KIRREL2: variants seen among roughly 807,000 people sequenced by gnomAD.
The protein encoded by KIRREL2 is kin of IRRE-like protein 2.
In KIRREL2, 56 loss-of-function variants were observed where a neutral mutation model predicts 73.4. That is an observed-to-expected ratio of 0.76 (90% CI 0.62 to 0.95). The LOEUF is 0.95. KIRREL2 is among the 40% of genes least tolerant of loss of function. The probability of loss-of-function intolerance (pLI) is 0.00; values close to 1 mark genes in which losing one functional copy is unlikely to be tolerated. For synonymous variants in KIRREL2, 407 were observed against 404.0 expected (o/e 1.01, Z -0.09); for missense variants, 896 against 935.0 (o/e 0.96, Z 0.54).
rs1226793059 is a variant in KIRREL2, at chr19:35,860,307, G to A, written c.684G>A (p.Glu228=). Residue 228 remains glutamate, a synonymous_variant, in exon 6 of 15, where the codon GAG becomes GAA. Transcript: ENST00000360202. The part of the protein sequence containing the change: ...AITLSLQYPP[E]VTLSASPHTV... ...GTCCCACCCTCACAGACCCCCCAGA[G>A]GTGACTCTGTCTGCTTCGCCACACA... 1.2e-6 allele frequency: 2 copies of A among 1,613,886 alleles called. No homozygotes were observed. The highest frequency in any genetic ancestry group is 2.7e-5 in the African/African-American group (2 of 74,918).
chr19:35,854,104 C>G (rs962530067), upstream of KIRREL2, among the ~76,000 whole-genome samples: 20 of 152,018 alleles, frequency 1.3e-4, no homozygotes, highest in Admixed American at 1.2e-3. Context: ...CTTGGCCCCC[C>G]AAAGTGCTGG....
intron 14 of KIRREL2, among the ~76,000 whole-genome samples, chr19:35,865,625 CT>C (rs909966090): frequency 2.1e-4 from 32 of 152,368 alleles, no homozygotes; most frequent in African/African-American, 6.7e-4. Context: ...CATGACCACT[CT>C]GATCTGGGCT....
At chr19:35,855,295 T>C (rs1175139988), upstream of KIRREL2, among the ~76,000 whole-genome samples, 2 of 152,054 alleles carry the variant, frequency 1.3e-5, no homozygotes, top group African/African-American at 2.4e-5. Flanking sequence ...CTGGGGCCTT[T>C]AATAAGCACA....
Position 35,857,411 on chromosome 19 carries a change from T to G in KIRREL2, c.128T>G (p.Leu43Arg), listed in dbSNP as rs1207482182. Residue 43 changes from leucine (L) to arginine (R), a missense_variant, in exon 2 of 15, where the codon CTG becomes CGG. Physicochemically the swap from Leu to Arg is moderately radical, Grantham distance 102. Coordinates refer to ENST00000360202, the MANE Select transcript of KIRREL2 (RefSeq NM_199180.4). ...GTGCTGCTGGGGGAGGAAGCCCGGC[T>G]GCCGTGTGCTCTGGGCGCCTACTGG... ...LVVLLGEEAR[L>R]PCALGAYWGL... is the part of the protein sequence containing the mutation. 1 of 1,612,942 alleles carries G rather than the reference T, an allele frequency of 6.2e-7. No individual in the cohort carries two copies. Among genetic ancestry groups the G allele is most frequent in the African/African-American group, 1.3e-5 (1 of 74,886 alleles).
chr19:35,861,179 G>A lies in KIRREL2; in HGVS notation c.1114G>A (p.Asp372Asn), dbSNP rs756626120. ...LPSVGPEDAG[D>N]YVCRAEAGLS... ...GTCGGTGGGGCCCGAGGACGCAGGC[G>A]ACTATGTGTGCAGAGCTGAGGCTGG... is the stretch of plus-strand genomic sequence containing the variant. Residue 372 changes from aspartate (D) to asparagine (N), a missense_variant, in exon 9 of 15, where the codon GAC (aspartate) becomes AAC (asparagine). Coordinates refer to ENST00000360202, the MANE Select transcript of KIRREL2 (RefSeq NM_199180.4). 1.3e-6 allele frequency: 2 copies of A among 1,582,916 alleles called. No individual in the cohort carries two copies. The highest frequency in any genetic ancestry group is 2.7e-5 in the African/African-American group (2 of 73,804).
rs138023382 is a variant in KIRREL2, at chr19:35,861,663, C to A, written c.1290+22C>A. The A allele has an allele frequency of 7.8e-4, 1,255 of 1,608,904 alleles. 18 individuals are homozygous for A. The East Asian group carries it at 0.024, about 31-fold the overall frequency. On this transcript the variant is annotated intron_variant, in intron 10 of 14. Coordinates refer to ENST00000360202, the MANE Select transcript of KIRREL2 (RefSeq NM_199180.4). ...CGTGGTAAGGAAATGTCACTCCTCC[C>A]GTGACCCATCCAGCCGTGATCCCTG... is the stretch of plus-strand genomic sequence containing the variant.
At chr19:35,852,625 C>G (rs1973300165), upstream of KIRREL2, among the ~76,000 whole-genome samples, 1 of 152,178 alleles carries the variant, frequency 6.6e-6, no homozygotes, top group African/African-American at 2.4e-5. Context: ...CAGGCGCGTT[C>G]CTCGGTGCCT....
At chr19:35,852,079 CTTTTTTCTTTT>C (rs1265305470), upstream of KIRREL2, among the ~76,000 whole-genome samples, 28 of 148,386 alleles carry the variant, frequency 1.9e-4, no homozygotes, top group South Asian at 8.6e-4. Flanking sequence ...ACTTTTTTTT[CTTTTTTCTTTT>C]TTTTTTCTTT....
At position 35,861,624 on chromosome 19, in the gene KIRREL2, C is replaced by G. The variant is rs1431105902; in HGVS notation, c.1273C>G (p.Pro425Ala). 1.2e-6 allele frequency: 2 copies of G among 1,613,320 alleles called. No individual in the cohort carries two copies. The highest frequency in any genetic ancestry group is 1.1e-5 in the South Asian group (1 of 91,022). Residue 425 changes from proline to alanine, a missense_variant, in exon 10 of 15, where the codon CCC becomes GCC. Coordinates refer to ENST00000360202, the MANE Select transcript of KIRREL2 (RefSeq NM_199180.4). Reference sequence around the variant, plus strand: ...CCTCCAGTGTCTGGTTTTCGCCTCTCCCGCCCCAGATGCCGTGGTAAGGAA... The same window carrying G: ...CCTCCAGTGTCTGGTTTTCGCCTCTGCCGCCCCAGATGCCGTGGTAAGGAA... ...ARLQCLVFAS[P>A]APDAVVWSWD...
Position 35,863,042 on chromosome 19 carries a change from A to G in KIRREL2, c.1725+6A>G. 6.6e-7 allele frequency: 1 copy of G among 1,520,876 alleles called. No homozygotes were observed. The allele number at this position is 1,520,876 out of a possible 1,614,324, so 94.2% of individuals were successfully genotyped here. On this transcript the variant is annotated splice_donor_region_variant and intron_variant, in intron 13 of 14. Transcript: ENST00000360202. The stretch of plus-strand genomic sequence containing the variant: ...CAGGCAGCCGCGAGGACCGGGTAGG[A>G]TGCCAGGGTCCCCAGACCTGACTGT...
rs1973448544 is a variant in KIRREL2, at chr19:35,857,047, G to A, written c.-73G>A. The A allele has an allele frequency of 2.7e-6, 4 of 1,494,474 alleles. No individual in the cohort carries two copies. Among genetic ancestry groups the A allele is most frequent in the East Asian group, 2.3e-5 (1 of 44,276 alleles). The allele number at this position is 1,494,474 out of a possible 1,614,324, so 92.6% of individuals were successfully genotyped here. On this transcript the variant is annotated 5_prime_UTR_variant, in exon 1 of 15. Transcript: ENST00000360202. ...AGGGGGCTCCGGGCCAGGGTGACAG[G>A]AGGCGTGCTTGAGAGGAAGAAGTTG...
chr19:35,854,480 C>T (rs1973361811), upstream of KIRREL2, among the ~76,000 whole-genome samples: 1 of 151,646 alleles, frequency 6.6e-6, no homozygotes, highest in African/African-American at 2.4e-5. Flanking sequence ...CGCCACCACG[C>T]CTGGCTAATT....
In KIRREL2 at chr19:35,861,930, G is replaced by A; in HGVS notation, c.1416G>A (p.Ser472=). ...GCCTGATCTCTGTGCTACACATTTC[G>A]GGGACCCAGGAGTCTGACTTTAGCA... ...GPGLISVLHI[S]GTQESDFSRS... is the part of the protein sequence containing the mutation. Residue 472 remains serine, a synonymous_variant, in exon 11 of 15, where the codon TCG becomes TCA. Transcript: ENST00000360202. 6.2e-7 allele frequency: 1 copy of A among 1,612,518 alleles called. No homozygotes were observed. Among genetic ancestry groups the A allele is most frequent in the Non-Finnish European group, 8.5e-7 (1 of 1,179,486 alleles).
intron 7 of KIRREL2, 35 bp from the exon 8 acceptor site, chr19:35,860,874 C>T: frequency 2.5e-6 from 4 of 1,612,436 alleles, no homozygotes; most frequent in Non-Finnish European, 3.4e-6. Context: ...CTGCATTCCG[C>T]CCCGGCCATG....
chr19:35,861,782 T>C (rs1180085050), intron 10 of KIRREL2, 23 bp from the exon 11 acceptor site: 2 of 1,588,380 alleles, frequency 1.3e-6, no homozygotes, highest in Non-Finnish European at 1.7e-6. Context: ...CTCCTCCGTG[T>C]CCTCCCTCTT....
At chr19:35,863,065 T>C in intron 13 of KIRREL2, 29 bp downstream of exon 13, 1 of 1,290,246 alleles carries the variant, frequency 7.8e-7, no homozygotes, top group Non-Finnish European at 1.1e-6. Flanking sequence ...CAGACCTGAC[T>C]GTGCCTCCAG....
At chr19:35,854,402 AC>A (rs979601220), upstream of KIRREL2, among the ~76,000 whole-genome samples, 4 of 143,628 alleles carry the variant, frequency 2.8e-5, no homozygotes, top group African/African-American at 7.8e-5. Flanking sequence ...GCTCACTGCA[AC>A]CTCTGCCTCC....
upstream of KIRREL2, among the ~76,000 whole-genome samples, chr19:35,852,559 A>G (rs1218761530): frequency 6.6e-6 from 1 of 152,056 alleles, no homozygotes; most frequent in Admixed American, 6.6e-5. Flanking sequence ...GCCTCTGCCC[A>G]GCAGGCTCCT....
At chr19:35,862,620 G>T (rs1320886255) in intron 12 of KIRREL2, 23 bp downstream of exon 12, 3 of 1,561,338 alleles carry the variant, frequency 1.9e-6, no homozygotes, top group Admixed American at 1.7e-5. Context: ...GCCCCGCCCC[G>T]GCTCCCGAGG....
Sources: gnomAD v4.1 joint callset for allele counts (sites outside exome capture counted in the v4.1 genomes callset) on GRCh38, gnomAD v4.1.1 for gene constraint, MANE v1.5 for transcripts, NCBI Gene and HGNC (gene_info 2026-07-23, HGNC 2026-07-21) for gene names.